Variants in CUX2 observed in about 807,000 individuals in gnomAD.
CUX2 encodes the protein cut like homeobox 2, also known as homeobox protein cut-like 2.
Under a neutral mutation model 144.8 loss-of-function variants are expected in CUX2, and 40 were observed. The observed-to-expected ratio is 0.28, with a 90% confidence interval of 0.21 to 0.36. CUX2 has a LOEUF of 0.36. Ranked by LOEUF, CUX2 falls within the 10% of genes least tolerant of loss-of-function variation. CUX2 has a pLI of 1.00. For missense variants in CUX2, 1,615 were observed against 1,994.0 expected, an observed-to-expected ratio of 0.81 and a Z score of 3.62; for synonymous variants, 827 against 875.6, an observed-to-expected ratio of 0.94 and a Z score of 0.98.
intron 3 of CUX2, among the ~76,000 whole-genome samples, chr12:111,258,997 A>G (rs1249181200): frequency 1.3e-5 from 2 of 150,988 alleles, no homozygotes; most frequent in South Asian, 2.1e-4. Context: ...CCTCCCAAGT[A>G]GCTGGGACCA....
At chr12:111,142,531 A>AT (rs1876393147) in intron 1 of CUX2, among the ~76,000 whole-genome samples, 1 of 119,080 alleles carries the variant, frequency 8.4e-6, no homozygotes, top group African/African-American at 6.9e-5. Context: ...CAGGGAAGGA[A>AT]AAAAAAAAAA....
chr12:111,083,182 C>A lies in CUX2; in HGVS notation c.63+48942C>A, dbSNP rs79670905. ...CACGAGCGACCTCAGCCAAGAACCA[C>A]GGTACCACCTTAGGAGAGAGATGAG... On this transcript the variant is annotated intron_variant, in intron 1 of 21. Transcript: ENST00000261726. Among the ~76,000 whole-genome samples, 139 of 152,202 alleles carry A rather than the reference C, an allele frequency of 9.1e-4. 1 individual carries two copies. The highest frequency in any genetic ancestry group is 7.4e-3 in the Admixed American group (113 of 15,290).
At chr12:111,110,160 G>T (rs1213367439) in intron 1 of CUX2, among the ~76,000 whole-genome samples, 1 of 151,854 alleles carries the variant, frequency 6.6e-6, no homozygotes, top group Non-Finnish European at 1.5e-5. Context: ...TTCATCTCCA[G>T]CTTCTTAATT....
At chr12:111,208,290 G>A (rs557355856) in intron 1 of CUX2, among the ~76,000 whole-genome samples, 4 of 152,140 alleles carry the variant, frequency 2.6e-5, no homozygotes, top group African/African-American at 7.2e-5. Flanking sequence ...AGAAGATTGT[G>A]GGCACAGATA....
intron 3 of CUX2, among the ~76,000 whole-genome samples, chr12:111,226,353 GTAAAACT>G (rs1882143255): frequency 1.3e-5 from 2 of 152,140 alleles, no homozygotes. Flanking sequence ...CCAGCTTGGG[GTAAAACT>G]TAACGATGAA....
chr12:111,153,860 C>T (rs772663468), intron 1 of CUX2, among the ~76,000 whole-genome samples: 7 of 152,152 alleles, frequency 4.6e-5, no homozygotes, highest in Admixed American at 3.9e-4. Flanking sequence ...CTCATGATTC[C>T]GGAGACCAGC....
At chr12:111,207,459 G>A (rs181228228) in intron 1 of CUX2, among the ~76,000 whole-genome samples, 15 of 152,316 alleles carry the variant, frequency 9.8e-5, no homozygotes, top group African/African-American at 3.6e-4. Context: ...GAGTGGATGG[G>A]TAGATGAGTG....
At position 111,334,680 on chromosome 12, in the gene CUX2, G is replaced by T. The variant is rs753108173; in HGVS notation, c.3166G>T (p.Val1056Leu). ...GGACACGTACTCCATCACCAAGAGGGTGAAGGAGGTCCTCACAGACAACAA... is the reference window on the plus strand; with the variant it reads ...GGACACGTACTCCATCACCAAGAGGTTGAAGGAGGTCCTCACAGACAACAA... ...ELDTYSITKR[V>L]KEVLTDNNLG... is the part of the protein sequence containing the mutation. The change falls in exon 19 of 22, where the codon GTG becomes TTG. Residue 1056 changes from valine to leucine, a missense_variant. Physicochemically the swap from Val to Leu is conservative, Grantham distance 32 (BLOSUM62 1). Around this residue, in one of 12 missense-constraint regions of CUX2, gnomAD observed 128 missense variants for 124.4 expected, o/e 1.03. Transcript: ENST00000261726. 9.9e-6 allele frequency: 16 copies of T among 1,612,668 alleles called. No individual in the cohort carries two copies. The highest frequency in any genetic ancestry group is 1.4e-5 in the Non-Finnish European group (16 of 1,179,326).
Position 111,334,673 on chromosome 12 carries a change from C to T in CUX2, c.3159C>T (p.Thr1053=). 1.2e-6 allele frequency: 2 copies of T among 1,613,460 alleles called. No individual in the cohort carries two copies. Among genetic ancestry groups the T allele is most frequent in the Non-Finnish European group, 1.7e-6 (2 of 1,179,766 alleles). Residue 1053 remains threonine (T), a synonymous_variant, in exon 19 of 22, where the codon ACC becomes ACT. Coordinates refer to ENST00000261726, the MANE Select transcript of CUX2 (RefSeq NM_015267.4). ...CCGAGCTGGACACGTACTCCATCAC[C>T]AAGAGGGTGAAGGAGGTCCTCACAG... ...MSPELDTYSI[T]KRVKEVLTDN...
Position 111,293,781 on chromosome 12 carries a change from A to G in CUX2, c.560+212A>G, listed in dbSNP as rs1885820123. Among the ~76,000 whole-genome samples the G allele has an allele frequency of 6.6e-6, 1 of 152,230 alleles. No individual in the cohort carries two copies. The highest frequency in any genetic ancestry group is 2.4e-5 in the African/African-American group (1 of 41,462). The stretch of plus-strand genomic sequence containing the variant: ...CAGTGGCCAGCCCTGGGCAAGTCAC[A>G]TCATCCTCTGAGCCTCAACTTCCCT... On this transcript the variant is annotated intron_variant, in intron 6 of 21. Coordinates refer to ENST00000261726, the MANE Select transcript of CUX2 (RefSeq NM_015267.4). The surrounding 1 kb of genome is among the most constrained non-coding windows in gnomAD (Gnocchi z 4.5).
intron 3 of CUX2, among the ~76,000 whole-genome samples, chr12:111,244,795 C>A (rs2136265696): frequency 6.6e-6 from 1 of 152,266 alleles, no homozygotes; most frequent in Non-Finnish European, 1.5e-5. Flanking sequence ...TCCTCTCCCC[C>A]AGGGTGTCAG....
At chr12:111,279,770 T>G (rs997436574) in intron 4 of CUX2, among the ~76,000 whole-genome samples, 3 of 151,318 alleles carry the variant, frequency 2.0e-5, no homozygotes, top group Non-Finnish European at 4.4e-5. Context: ...GATCGCAAGG[T>G]CAAGAGATCG....
chr12:111,207,875 A>T (rs1255565764), intron 1 of CUX2, among the ~76,000 whole-genome samples: 1 of 152,172 alleles, frequency 6.6e-6, no homozygotes, highest in Non-Finnish European at 1.5e-5. Flanking sequence ...CTGGAAGAGG[A>T]GACATTTAAG....
In CUX2 at chr12:111,348,498, C is replaced by A. The variant is rs1888924617; in HGVS notation, c.*173C>A. The A allele has an allele frequency of 7.4e-6, 5 of 676,920 alleles. No individual in the cohort carries two copies. The highest frequency in any genetic ancestry group is 9.7e-6 in the Non-Finnish European group (4 of 410,302). 41.9% of individuals were successfully genotyped at this position (676,920 alleles called of 1,614,324 possible). ...TCCTAGTTCTATGAAGCTGTGTGAG[C>A]AGGTGGGTCAAATGCCATTGCCTCC... On this transcript the variant is annotated 3_prime_UTR_variant, in exon 22 of 22. Coordinates refer to ENST00000261726, the MANE Select transcript of CUX2 (RefSeq NM_015267.4).
chr12:111,185,024 A>G (rs1162712366), intron 1 of CUX2, among the ~76,000 whole-genome samples: 1 of 152,212 alleles, frequency 6.6e-6, no homozygotes, highest in African/African-American at 2.4e-5. Flanking sequence ...AGATGGCGCC[A>G]CTGCACTCCA....
At chr12:111,134,612 C>CTGTGTGTGTGTGTGTGTGTG (rs1228524853) in intron 1 of CUX2, among the ~76,000 whole-genome samples, 11 of 143,806 alleles carry the variant, frequency 7.6e-5, no homozygotes, top group African/African-American at 3.2e-4. Flanking sequence ...CTCTCTCTCT[C>CTGTGTGTGTGTGTGTGTGTG]TCTCTCTCTG....
rs116575598 is a variant in CUX2, at chr12:111,320,987, A to G, written c.2766+212A>G. ...CTTCCATCCTGGCCAGCAAACAGCC[A>G]CTTAACTCCCCTCCTCCAGGCCCCT... is the stretch of plus-strand genomic sequence containing the variant. On this transcript the variant is annotated intron_variant, in intron 17 of 21. Coordinates refer to ENST00000261726, the MANE Select transcript of CUX2 (RefSeq NM_015267.4). This position sits in a 1 kb window ranked among gnomAD's most constrained non-coding sequence, Gnocchi z 8.1. 0.049 allele frequency among the ~76,000 whole-genome samples: 7,430 copies of G among 152,226 alleles called. 195 individuals are homozygous for G. Among genetic ancestry groups the G allele is most frequent in the South Asian group, 0.091 (441 of 4,826 alleles).
chr12:111,050,867 C>T (rs1015183027), intron 1 of CUX2, among the ~76,000 whole-genome samples: 1 of 152,030 alleles, frequency 6.6e-6, no homozygotes, highest in Non-Finnish European at 1.5e-5. Flanking sequence ...TTCTAGGGGA[C>T]GATGAAGAGA....
At position 111,334,686 on chromosome 12, in the gene CUX2, G is replaced by A. The variant is rs758008851; in HGVS notation, c.3172G>A (p.Glu1058Lys). The change falls in exon 19 of 22, where the codon GAG becomes AAG. Residue 1058 changes from glutamate (E) to lysine (K), a missense_variant. Physicochemically the swap from Glu to Lys is moderately conservative, Grantham distance 56. Transcript: ENST00000261726. Reference protein sequence around the residue: ...DTYSITKRVKEVLTDNNLGQR... With the variant: ...DTYSITKRVKKVLTDNNLGQR... ...GTACTCCATCACCAAGAGGGTGAAG[G>A]AGGTCCTCACAGACAACAATCTAGG... 3 of 1,611,936 alleles carry A rather than the reference G, an allele frequency of 1.9e-6. No individual in the cohort carries two copies. Among genetic ancestry groups the A allele is most frequent in the Non-Finnish European group, 2.5e-6 (3 of 1,178,970 alleles).
Sources: gnomAD v4.1 joint callset for allele counts (sites outside exome capture counted in the v4.1 genomes callset) on GRCh38, gnomAD v4.1.1 for gene constraint, gnomAD v4.1.1 regional missense constraint, Gnocchi (gnomAD v3.1) non-coding constraint, MANE v1.5 for transcripts, NCBI Gene and HGNC (gene_info 2026-07-23, HGNC 2026-07-21) for gene names.